The following FGD4 variants were observed in gnomAD, a reference collection of about 807,000 sequenced individuals.
FGD4 encodes the protein FYVE, RhoGEF and PH domain-containing protein 4.
A neutral mutation model predicts 102.0 loss-of-function variants in FGD4; 42 were observed. The ratio of observed to expected loss-of-function variants is 0.41; its 90% CI spans 0.32 to 0.53. FGD4 has a LOEUF of 0.53. Ranked by LOEUF, FGD4 falls within the 20% of genes least tolerant of loss-of-function variation. The pLI is 0.21. For missense variants in FGD4, 902 were observed against 1,078.2 expected (o/e 0.84, Z 2.29); for synonymous variants, 380 against 375.7 (o/e 1.01, Z -0.13).
intron 2 of FGD4, among the ~76,000 whole-genome samples, chr12:32,572,358 A>C (rs1945744862): frequency 6.6e-6 from 1 of 152,204 alleles, no homozygotes; most frequent in Non-Finnish European, 1.5e-5. Context: ...CTTAACAATC[A>C]AGTAGGGAAA....
intron 15 of FGD4, chr12:32,637,806 G>A (rs1321450562): frequency 1.3e-5 from 2 of 152,068 alleles, no homozygotes; most frequent in East Asian, 3.9e-4. Context: ...TCACGATCAC[G>A]AGAACAGCAT....
chr12:32,496,844 T>C (rs925403027), intron 1 of FGD4, among the ~76,000 whole-genome samples: 2 of 152,196 alleles, frequency 1.3e-5, no homozygotes, highest in African/African-American at 2.4e-5. Flanking sequence ...TGTAATTTCC[T>C]CCCACCTTTG....
rs369268858 is a variant in FGD4 at position 32,611,378 on chromosome 12, G to T, written c.1749+95G>T. The T allele has an allele frequency of 4.7e-3, 6,843 of 1,445,660 alleles. 24 individuals carry two copies. Among genetic ancestry groups the T allele is most frequent in the Non-Finnish European group, 5.5e-3 (5,673 of 1,040,766 alleles). The allele number at this position is 1,445,660 out of a possible 1,614,324, so 89.6% of individuals were successfully genotyped here. A position where few individuals can be genotyped will look rare whatever the true frequency, so the allele number is the denominator to read the frequency against. On this transcript the variant is annotated intron_variant, in intron 10 of 16. Transcript: ENST00000534526. The stretch of plus-strand genomic sequence containing the variant: ...TGCCTGTAATCCCAGCACTTTGGGA[G>T]GCCGAGGCGAGTGGATCTCCTGAGG...
At chr12:32,607,059 A>G (rs1948824940) in intron 7 of FGD4, among the ~76,000 whole-genome samples, 1 of 152,256 alleles carries the variant, frequency 6.6e-6, no homozygotes, top group African/African-American at 2.4e-5. Context: ...AGTTGTGCTT[A>G]GCAAACCTCA....
At chr12:32,423,609 AAG>A (rs1941730549) in intron 1 of FGD4, among the ~76,000 whole-genome samples, 1 of 150,692 alleles carries the variant, frequency 6.6e-6, no homozygotes, top group South Asian at 2.1e-4. Flanking sequence ...AAAAAAAAAA[AAG>A]AAAGAAAGTG....
chr12:32,471,768 G>A (rs1006725628), intron 1 of FGD4, among the ~76,000 whole-genome samples: 1 of 152,128 alleles, frequency 6.6e-6, no homozygotes, highest in Non-Finnish European at 1.5e-5. Context: ...CACTTGTGGA[G>A]TGGTATCTGG....
intron 10 of FGD4, among the ~76,000 whole-genome samples, chr12:32,613,137 C>CAT (rs1009516508): frequency 6.6e-6 from 1 of 152,302 alleles, no homozygotes; most frequent in African/African-American, 2.4e-5. Flanking sequence ...TGGTGACTGG[C>CAT]ATACAGTACG....
rs1269583803 is a variant in FGD4, at chr12:32,399,965, C to T, written c.166+6C>T. ...GGTGCCCTCAGGAGCCACAGGTAAG[C>T]GCCTCGGGGCGCGGGGGAAGGGTGG... On this transcript the variant is annotated splice_donor_region_variant and intron_variant, in intron 1 of 16. Coordinates refer to ENST00000534526, the MANE Select transcript of FGD4 (RefSeq NM_001370298.3). The T allele has an allele frequency of 3.3e-5, 48 of 1,453,288 alleles. No homozygotes were observed. Among genetic ancestry groups the T allele is most frequent in the Non-Finnish European group, 4.1e-5 (46 of 1,109,158 alleles). The allele number at this position is 1,453,288 out of a possible 1,614,324, so 90.0% of individuals were successfully genotyped here.
chr12:32,444,700 T>C (rs1415288885), intron 1 of FGD4, among the ~76,000 whole-genome samples: 2 of 152,158 alleles, frequency 1.3e-5, no homozygotes, highest in African/African-American at 2.4e-5. Context: ...CCACTGCGCA[T>C]GGCCTAAGCA....
chr12:32,470,464 T>C (rs1943385863), intron 1 of FGD4, among the ~76,000 whole-genome samples: 1 of 90,240 alleles, frequency 1.1e-5, no homozygotes, highest in African/African-American at 3.3e-5. Flanking sequence ...TTTCTTTTTC[T>C]TTTTTTTTTT....
chr12:32,625,269 C>CTTTTTTTT (rs374139685), intron 13 of FGD4, among the ~76,000 whole-genome samples: 2 of 119,910 alleles, frequency 1.7e-5, no homozygotes, highest in Admixed American at 8.8e-5. Context: ...TTTTCTTATT[C>CTTTTTTTT]TTTTTTTTTT....
chr12:32,641,214 A>C lies in FGD4; in HGVS notation c.*681A>C, dbSNP rs1245053065. On this transcript the variant is annotated 3_prime_UTR_variant, in exon 17 of 17. Transcript: ENST00000534526. ...ACATTCATCTCTAATTTATTTTTTAAATATAAAGCATGGTTTATCGTGGAA... is the reference window on the plus strand; with the variant it reads ...ACATTCATCTCTAATTTATTTTTTACATATAAAGCATGGTTTATCGTGGAA... 6.6e-6 allele frequency: 1 copy of C among 152,090 alleles called. No homozygotes were observed. Among genetic ancestry groups the C allele is most frequent in the East Asian group, 1.9e-4 (1 of 5,206 alleles). 9.4% of individuals were successfully genotyped at this position (152,090 alleles called of 1,614,324 possible).
chr12:32,578,247 A>G (rs1185447465), intron 3 of FGD4, among the ~76,000 whole-genome samples: 1 of 152,182 alleles, frequency 6.6e-6, no homozygotes, highest in East Asian at 1.9e-4. Context: ...GATACAAAAA[A>G]CAATGTTATG....
At chr12:32,435,528 C>T (rs1942201535) in intron 1 of FGD4, among the ~76,000 whole-genome samples, 1 of 69,342 alleles carries the variant, frequency 1.4e-5, no homozygotes, top group African/African-American at 1.0e-4. Context: ...TTTTAAATGA[C>T]TAAGTTGGAA....
intron 14 of FGD4, among the ~76,000 whole-genome samples, chr12:32,632,964 C>CA: frequency 1.3e-5 from 2 of 152,194 alleles, no homozygotes; most frequent in Non-Finnish European, 2.9e-5. Context: ...AAGAATGCTA[C>CA]AAGGACCAGT....
At chr12:32,608,231 T>C in intron 8 of FGD4, 136 bp downstream of exon 8, 1 of 1,263,516 alleles carries the variant, frequency 7.9e-7, no homozygotes, top group Non-Finnish European at 1.1e-6. Flanking sequence ...CATTGGAAAT[T>C]GTTATCATCA....
chr12:32,534,218 T>G, intron 1 of FGD4: 1 of 984,622 alleles, frequency 1.0e-6, no homozygotes, highest in Non-Finnish European at 1.3e-6. Context: ...GCTCATACAC[T>G]CCCTCTCATG....
intron 1 of FGD4, among the ~76,000 whole-genome samples, chr12:32,455,320 A>T (rs531884657): frequency 5.3e-5 from 8 of 152,220 alleles, no homozygotes; most frequent in Non-Finnish European, 1.2e-4. Context: ...TTTTATTTAT[A>T]TTTAGAGCCT....
chr12:32,619,653 C>A (rs780267399), intron 10 of FGD4, 45 bp from the exon 11 acceptor site: 63 of 1,604,640 alleles, frequency 3.9e-5, no homozygotes, highest in Non-Finnish European at 5.2e-5. Context: ...TGATCAGTTT[C>A]CCCTATTTCT....
Sources: allele counts gnomAD v4.1 joint callset (sites outside exome capture counted in the v4.1 genomes callset), GRCh38; gene constraint gnomAD v4.1.1; transcripts MANE v1.5; gene names NCBI Gene and HGNC (gene_info 2026-07-23, HGNC 2026-07-21).